Variants in KAZN observed in about 807,000 individuals in gnomAD.
KAZN encodes kazrin, periplakin interacting protein, also known as kazrin.
Under a neutral mutation model 87.4 loss-of-function variants are expected in KAZN, and 40 were observed. The ratio of observed to expected loss-of-function variants is 0.46; its 90% CI spans 0.36 to 0.60. The LOEUF (loss-of-function observed/expected upper bound fraction) is 0.60, where lower values mean the gene tolerates loss of function less well. Ranked by LOEUF, KAZN falls within the 20% of genes least tolerant of loss-of-function variation. The pLI is 0.00. For missense variants in KAZN, 898 were observed against 1,073.9 expected (o/e 0.84, Z 2.29); for synonymous variants, 466 against 458.3 (o/e 1.02, Z -0.22).
chr1:14,300,684 G>T (rs1654486791), intron 2 of KAZN, among the ~76,000 whole-genome samples: 1 of 152,222 alleles, frequency 6.6e-6, no homozygotes, highest in Admixed American at 6.5e-5. Flanking sequence ...GCCTGACTGA[G>T]ATAGTGGCCA....
chr1:14,298,763 C>T (rs189440069), intron 2 of KAZN, among the ~76,000 whole-genome samples: 462 of 152,270 alleles, frequency 3.0e-3, no homozygotes, highest in Non-Finnish European at 4.9e-3. Flanking sequence ...ACTTGAATGG[C>T]AGTTCTCAGC....
chr1:14,440,284 C>T (rs1666624473), intron 2 of KAZN, among the ~76,000 whole-genome samples: 1 of 152,190 alleles, frequency 6.6e-6, no homozygotes, highest in African/African-American at 2.4e-5. Flanking sequence ...CAACTCCTCT[C>T]CGTAAATTAC....
chr1:13,952,346 A>G (rs1459064594), intron 1 of KAZN, among the ~76,000 whole-genome samples: 677 of 35,364 alleles, frequency 0.019, 6 homozygotes, highest in Non-Finnish European at 0.036. Context: ...TAATAATAAT[A>G]ATAATAATAA....
At chr1:14,418,428 A>AC (rs1220133184) in intron 2 of KAZN, among the ~76,000 whole-genome samples, 2 of 152,196 alleles carry the variant, frequency 1.3e-5, no homozygotes, top group Non-Finnish European at 2.9e-5. Flanking sequence ...AGTGGCCACT[A>AC]CTTTTATTAT....
intron 1 of KAZN, among the ~76,000 whole-genome samples, chr1:14,743,329 C>G (rs1334909003): frequency 6.6e-6 from 1 of 151,816 alleles, no homozygotes; most frequent in Admixed American, 6.6e-5. Flanking sequence ...ACTCTGGAGG[C>G]TGAGGCAGGA....
chr1:14,485,457 A>G (rs1669298948), intron 2 of KAZN, among the ~76,000 whole-genome samples: 1 of 152,218 alleles, frequency 6.6e-6, no homozygotes, highest in Admixed American at 6.5e-5. Flanking sequence ...GCAGCTTTCA[A>G]TCAGGCCCAC....
At chr1:14,194,896 G>A (rs1278920799) in intron 2 of KAZN, among the ~76,000 whole-genome samples, 5 of 152,074 alleles carry the variant, frequency 3.3e-5, no homozygotes, top group African/African-American at 7.2e-5. Flanking sequence ...AACCTGTTAC[G>A]TGACTGCCTA....
intron 1 of KAZN, among the ~76,000 whole-genome samples, chr1:13,981,285 A>G (rs1638694885): frequency 2.0e-5 from 3 of 147,686 alleles, no homozygotes; most frequent in Non-Finnish European, 4.5e-5. Context: ...CTTAATGATT[A>G]GAATTATTAA....
At chr1:14,655,066 C>T (rs1197322668) in intron 1 of KAZN, among the ~76,000 whole-genome samples, 1 of 152,232 alleles carries the variant, frequency 6.6e-6, no homozygotes, top group African/African-American at 2.4e-5. Flanking sequence ...GAGTTACTGA[C>T]TCAGAAGGTC....
At chr1:14,639,406 A>G (rs943767773) in intron 1 of KAZN, among the ~76,000 whole-genome samples, 1 of 152,246 alleles carries the variant, frequency 6.6e-6, no homozygotes, top group African/African-American at 2.4e-5. Flanking sequence ...TTAAAAATTA[A>G]TGTTGAACAT....
At chr1:14,967,565 G>A (rs1664597862) in intron 2 of KAZN, among the ~76,000 whole-genome samples, 1 of 152,230 alleles carries the variant, frequency 6.6e-6, no homozygotes, top group South Asian at 2.1e-4. Flanking sequence ...ATATCCCTGG[G>A]ATGAGTCTCC....
chr1:14,352,154 G>C (rs1658598029), intron 2 of KAZN, among the ~76,000 whole-genome samples: 1 of 152,022 alleles, frequency 6.6e-6, no homozygotes, highest in Non-Finnish European at 1.5e-5. Flanking sequence ...TATAAACATT[G>C]TTTTATGCTT....
intron 2 of KAZN, among the ~76,000 whole-genome samples, chr1:14,367,922 A>G (rs150313742): frequency 6.6e-6 from 1 of 152,118 alleles, no homozygotes; most frequent in Non-Finnish European, 1.5e-5. Context: ...ACCCCTTTAT[A>G]TCTTTCAAAA....
intron 2 of KAZN, among the ~76,000 whole-genome samples, chr1:14,486,764 C>T (rs1669371035): frequency 6.6e-6 from 1 of 152,180 alleles, no homozygotes; most frequent in South Asian, 2.1e-4. Context: ...TTCTTGTCCT[C>T]CATGGTGAAT....
chr1:14,240,518 G>A (rs1196709269), intron 2 of KAZN, among the ~76,000 whole-genome samples: 2 of 152,216 alleles, frequency 1.3e-5, no homozygotes, highest in East Asian at 3.9e-4. Flanking sequence ...CAGGAAGGGG[G>A]ATGATGACAA....
Position 14,585,997 on chromosome 1 carries a change from A to G in KAZN, c.250-12986A>G, listed in dbSNP as rs577588414. On this transcript the variant is annotated intron_variant, in intron 2 of 16. Transcript: ENST00000636203. ...AGGTCCCTCCTGGGAGATCAAAATCAATTTTAAACAGACACAGCTGTTCCC... is the reference window on the plus strand; with the variant it reads ...AGGTCCCTCCTGGGAGATCAAAATCGATTTTAAACAGACACAGCTGTTCCC... Among the ~76,000 whole-genome samples, 3 of 152,310 alleles carry G rather than the reference A, an allele frequency of 2.0e-5. No homozygotes were observed. The South Asian group carries it at 6.2e-4, about 32-fold the overall frequency.
At chr1:14,426,326 C>T (rs1350752580) in intron 2 of KAZN, among the ~76,000 whole-genome samples, 1 of 152,218 alleles carries the variant, frequency 6.6e-6, no homozygotes, top group Non-Finnish European at 1.5e-5. Context: ...CCCTTACCCT[C>T]CTTGCATTCC....
chr1:14,185,038 A>C (rs572769132), intron 2 of KAZN, among the ~76,000 whole-genome samples: 1 of 152,166 alleles, frequency 6.6e-6, no homozygotes, highest in African/African-American at 2.4e-5. Context: ...TATGCCTATG[A>C]ATGTGACCTG....
intron 2 of KAZN, among the ~76,000 whole-genome samples, chr1:14,965,405 G>A (rs967856195): frequency 6.6e-6 from 1 of 152,198 alleles, no homozygotes; most frequent in African/African-American, 2.4e-5. Context: ...CCCCTTTGGG[G>A]TGTCTGTTGA....
Sources: allele counts gnomAD v4.1 joint callset (sites outside exome capture counted in the v4.1 genomes callset), GRCh38; gene constraint gnomAD v4.1.1; transcripts MANE v1.5; gene names NCBI Gene and HGNC (gene_info 2026-07-23, HGNC 2026-07-21).